KRIT1: variants seen among roughly 807,000 people sequenced by gnomAD.
KRIT1 encodes krev interaction trapped protein 1.
Under a neutral mutation model 95.8 loss-of-function variants are expected in KRIT1, and 45 were observed. That is an observed-to-expected ratio of 0.47 (90% CI 0.37 to 0.60). KRIT1 has a LOEUF of 0.60. KRIT1 is among the 20% of genes least tolerant of loss of function. The pLI is 0.00. For missense variants in KRIT1, 788 were observed against 877.5 expected, an observed-to-expected ratio of 0.90 and a Z score of 1.29; for synonymous variants, 282 against 278.8, an observed-to-expected ratio of 1.01 and a Z score of -0.11.
At chr7:92,208,368 A>T (rs1792023471) in intron 17 of KRIT1, among the ~76,000 whole-genome samples, 1 of 151,918 alleles carries the variant, frequency 6.6e-6, no homozygotes, top group South Asian at 2.1e-4. Flanking sequence ...GAACTAAAAG[A>T]AAGAAAGACT....
Position 92,213,887 on chromosome 7 carries a change from C to G in KRIT1, c.1818+5G>C. The G allele has an allele frequency of 6.5e-7, 1 of 1,544,922 alleles. No homozygotes were observed. The highest frequency in any genetic ancestry group is 9.0e-7 in the Non-Finnish European group (1 of 1,117,278). On this transcript the variant is annotated splice_donor_5th_base_variant and intron_variant, in intron 16 of 18. Transcript: ENST00000394505. ...ATGTCTTTTCATTTCTATTAAACAG[C>G]TTACCTTGTATTCATGAAGTATGCG... is the stretch of plus-strand genomic sequence containing the variant.
intron 4 of KRIT1, 26 bp from the exon 5 acceptor site, chr7:92,241,178 A>G: frequency 6.5e-7 from 1 of 1,549,314 alleles, no homozygotes; most frequent in Non-Finnish European, 8.9e-7. Flanking sequence ...CATTAAGAGA[A>G]AGCTTAAAAT....
At chr7:92,216,859 CA>C (rs1452898486) in intron 14 of KRIT1, among the ~76,000 whole-genome samples, 3 of 152,228 alleles carry the variant, frequency 2.0e-5, no homozygotes, top group East Asian at 3.9e-4. Flanking sequence ...ATAACAGTTA[CA>C]ATTTCCAATA....
Position 92,213,210 on chromosome 7 carries a change from G to C in KRIT1, c.2010C>G (p.Leu670=). The part of the protein sequence containing the change: ...VGVNIKGLHL[L]NMETKALLIS... Reference sequence around the variant, plus strand: ...GAAAATCTACCTTAGTTTCCATGTTGAGGAGATGAAGTCCTTTTATATTCA... The same window carrying C: ...GAAAATCTACCTTAGTTTCCATGTTCAGGAGATGAAGTCCTTTTATATTCA... The change falls in exon 17 of 19, where the codon CTC becomes CTG. Residue 670 remains leucine (L), a synonymous_variant. Coordinates refer to ENST00000394505, the MANE Select transcript of KRIT1 (RefSeq NM_194454.3). The C allele has an allele frequency of 2.5e-6, 4 of 1,608,674 alleles. No homozygotes were observed. The highest frequency in any genetic ancestry group is 3.4e-6 in the Non-Finnish European group (4 of 1,175,286).
At position 92,234,414 on chromosome 7, in the gene KRIT1, C is replaced by T. The variant is rs887162207; in HGVS notation, c.989+35G>A. On this transcript the variant is annotated intron_variant, in intron 10 of 18. Transcript: ENST00000394505. ...TAACATTTATAATAAAAAATGTATT[C>T]TTTCTAAAAAGAAAAGAATAAATAT... is the stretch of plus-strand genomic sequence containing the variant. 4.0e-5 allele frequency: 59 copies of T among 1,480,774 alleles called. 1 individual carries two copies. In the Admixed American group the frequency reaches 9.2e-4, roughly 23 times the overall value. The allele number at this position is 1,480,774 out of a possible 1,614,324, so 91.7% of individuals were successfully genotyped here.
intron 12 of KRIT1, among the ~76,000 whole-genome samples, chr7:92,225,140 G>A (rs982317808): frequency 3.3e-5 from 5 of 151,754 alleles, no homozygotes; most frequent in South Asian, 2.1e-4. Context: ...GTGACAGAGC[G>A]AGACTCCATC....
intron 14 of KRIT1, 119 bp downstream of exon 14, chr7:92,221,783 C>T (rs1376856299): frequency 3.2e-5 from 26 of 822,956 alleles, no homozygotes; most frequent in Non-Finnish European, 4.8e-5. Flanking sequence ...CGCCAATTAT[C>T]ACAGGGATGT....
rs373275660 is a variant in KRIT1, at chr7:92,226,631, A to G, written c.1041T>C (p.Asn347=). Residue 347 remains asparagine (N), a synonymous_variant, in exon 11 of 19, where the codon AAT becomes AAC. Transcript: ENST00000394505. ...TRILLEKGKC[N]PNLLNGQLSS... ...TAAGTTGTCCATTTAAAAGGTTTGG[A>G]TTGCACTTTCCTTTCTCTAACAATA... The G allele has an allele frequency of 3.7e-6, 6 of 1,613,530 alleles. No homozygotes were observed. The highest frequency in any genetic ancestry group is 4.2e-6 in the Non-Finnish European group (5 of 1,179,576).
chr7:92,230,704 T>C (rs1797099215), intron 10 of KRIT1, among the ~76,000 whole-genome samples: 1 of 151,964 alleles, frequency 6.6e-6, no homozygotes, highest in South Asian at 2.1e-4. Context: ...GAAAAGTGAA[T>C]TTAAGGGGAA....
intron 18 of KRIT1, 93 bp from the exon 19 acceptor site, chr7:92,200,897 AG>A: frequency 1.1e-6 from 1 of 871,900 alleles, no homozygotes; most frequent in Non-Finnish European, 1.9e-6. Flanking sequence ...TCTATTTGAA[AG>A]GGAACTTTCT....
At chr7:92,212,091 T>A (rs897787995) in intron 17 of KRIT1, among the ~76,000 whole-genome samples, 1 of 151,888 alleles carries the variant, frequency 6.6e-6, no homozygotes, top group Non-Finnish European at 1.5e-5. Context: ...GGGAACAGAG[T>A]GAGACCCTGT....
chr7:92,236,572 C>T, intron 6 of KRIT1, 30 bp from the exon 7 acceptor site: 4 of 1,426,690 alleles, frequency 2.8e-6, no homozygotes, highest in Non-Finnish European at 3.9e-6. Flanking sequence ...AATTATGCTA[C>T]CATATAAAAG....
rs1423384158 is a variant in KRIT1 at position 92,244,130 on chromosome 7, T to C, written c.-131A>G. 1.3e-5 allele frequency: 2 copies of C among 152,176 alleles called. No individual in the cohort carries two copies. The highest frequency in any genetic ancestry group is 3.8e-4 in the East Asian group (2 of 5,204). 9.4% of individuals were successfully genotyped at this position (152,176 alleles called of 1,614,324 possible). On this transcript the variant is annotated 5_prime_UTR_variant, in exon 3 of 19. Coordinates refer to ENST00000394505, the MANE Select transcript of KRIT1 (RefSeq NM_194454.3). ...CAAGATAATAAACGTTTACAAATTA[T>C]GAGACAGACGCATTGAAGACTGCAA...
At chr7:92,228,027 C>T (rs1045263430) in intron 10 of KRIT1, among the ~76,000 whole-genome samples, 2 of 151,660 alleles carry the variant, frequency 1.3e-5, no homozygotes, top group African/African-American at 4.8e-5. Context: ...GGGGTTGCGG[C>T]GGGGAGGTGG....
At chr7:92,238,078 A>G (rs1207122051) in intron 5 of KRIT1, among the ~76,000 whole-genome samples, 2 of 152,180 alleles carry the variant, frequency 1.3e-5, no homozygotes, top group East Asian at 3.8e-4. Flanking sequence ...ATACCACCTC[A>G]GTCATCTAGA....
chr7:92,222,021 G>T lies in KRIT1; in HGVS notation c.1444C>A (p.Gln482Lys). The T allele has an allele frequency of 6.2e-7, 1 of 1,613,618 alleles. No homozygotes were observed. Among genetic ancestry groups the T allele is most frequent in the South Asian group, 1.1e-5 (1 of 91,066 alleles). The stretch of plus-strand genomic sequence containing the variant: ...ATTTCTGGCCAGTCACGAACATGTT[G>T]CAAGGGTTTATGATATGGTTTGAGT... ...LQLKPYHKPL[Q>K]HVRDWPEILA... The change falls in exon 14 of 19, where the codon CAA (glutamine) becomes AAA (lysine). Residue 482 changes from glutamine (Q) to lysine (K), a missense_variant. Gln to Lys is a moderately conservative substitution (Grantham distance 53, BLOSUM62 1). This residue lies in a region of KRIT1 where 493 missense variants were observed against 582.3 expected (regional missense o/e 0.85). Coordinates refer to ENST00000394505, the MANE Select transcript of KRIT1 (RefSeq NM_194454.3).
chr7:92,221,960 T>C lies in KRIT1; in HGVS notation c.1505A>G (p.Glu502Gly). 1 of 1,613,754 alleles carries C rather than the reference T, an allele frequency of 6.2e-7. No homozygotes were observed. The highest frequency in any genetic ancestry group is 8.5e-7 in the Non-Finnish European group (1 of 1,179,692). Residue 502 changes from glutamate (E) to glycine (G), a missense_variant, in exon 14 of 19, where the codon GAA becomes GGA. Glu to Gly is a moderately conservative substitution (Grantham distance 98, BLOSUM62 -2). Transcript: ENST00000394505. The part of the protein sequence containing the change: ...AELTNLDPQR[E>G]TPQLFLRRDV... Reference sequence around the variant, plus strand: ...TCTTCTTAGAAAAAGCTGAGGTGTTTCCCTTTGAGGATCCAGATTAGTCAA... The same window carrying C: ...TCTTCTTAGAAAAAGCTGAGGTGTTCCCCTTTGAGGATCCAGATTAGTCAA...
In KRIT1 at chr7:92,242,117, T is replaced by C. The variant is rs1799805515; in HGVS notation, c.19A>G (p.Ile7Val). 3 of 1,596,314 alleles carry C rather than the reference T, an allele frequency of 1.9e-6. No individual in the cohort carries two copies. The highest frequency in any genetic ancestry group is 1.3e-5 in the African/African-American group (1 of 74,716). Residue 7 changes from isoleucine (I) to valine (V), a missense_variant, in exon 4 of 19, where the codon ATA (isoleucine) becomes GTA (valine). This residue lies in a region of KRIT1 where 289 missense variants were observed against 277.5 expected (regional missense o/e 1.04). Coordinates refer to ENST00000394505, the MANE Select transcript of KRIT1 (RefSeq NM_194454.3). ...ATAACAGCAACATATGCATCTTCTATGTTTTCTGGATTTCCCATTGCTTTA... is the reference window on the plus strand; with the variant it reads ...ATAACAGCAACATATGCATCTTCTACGTTTTCTGGATTTCCCATTGCTTTA... MGNPEN[I>V]EDAYVAVIRP...
chr7:92,223,046 CCTTCAA>C, intron 12 of KRIT1, 68 bp from the exon 13 acceptor site: 4 of 967,004 alleles, frequency 4.1e-6, no homozygotes, highest in Non-Finnish European at 6.6e-6. Flanking sequence ...AAGATACTTT[CCTTCAA>C]CTTCATGTGC....
Sources: allele counts gnomAD v4.1 joint callset (sites outside exome capture counted in the v4.1 genomes callset), GRCh38; gene constraint gnomAD v4.1.1; regional missense constraint gnomAD v4.1.1; transcripts MANE v1.5; gene names NCBI Gene and HGNC (gene_info 2026-07-23, HGNC 2026-07-21).